The following IARS1 variants were observed in gnomAD, a reference collection of about 807,000 sequenced individuals.
IARS1 encodes the protein isoleucyl-tRNA synthetase 1.
IARS1 carries 124 observed loss-of-function variants against 168.2 expected under a neutral mutation model. That is an observed-to-expected ratio of 0.74 (90% CI 0.64 to 0.86). The LOEUF (loss-of-function observed/expected upper bound fraction) is 0.86, where lower values mean the gene tolerates loss of function less well. Ranked by LOEUF, IARS1 falls within the 40% of genes least tolerant of loss-of-function variation. IARS1 has a pLI of 0.00. For missense variants in IARS1, 1,452 were observed against 1,515.8 expected, an observed-to-expected ratio of 0.96 and a Z score of 0.70; for synonymous variants, 532 against 529.4, an observed-to-expected ratio of 1.00 and a Z score of -0.07.
chr9:92,249,926 T>C lies in IARS1; in HGVS notation c.2548A>G (p.Ile850Val), dbSNP rs1829767841. ...TCTGGATCTTGATGGATAACCACAA[T>C]TTCTTTCAAAGGATACTAGGAGGAA... ...TIPIKYPLKE[I>V]VVIHQDPEAL... Residue 850 changes from isoleucine to valine, a missense_variant, in exon 25 of 34, where the codon ATT becomes GTT. By Grantham distance (29) the Ile-to-Val change is conservative (BLOSUM62 3). Coordinates refer to ENST00000443024, the MANE Select transcript of IARS1 (RefSeq NM_002161.6). 3 of 1,603,340 alleles carry C rather than the reference T, an allele frequency of 1.9e-6. No individual in the cohort carries two copies. Among genetic ancestry groups the C allele is most frequent in the Admixed American group, 3.3e-5 (2 of 59,904 alleles).
intron 12 of IARS1, among the ~76,000 whole-genome samples, chr9:92,270,378 T>C (rs1218291841): frequency 6.6e-6 from 1 of 152,208 alleles, no homozygotes; most frequent in South Asian, 2.1e-4. Context: ...CAATAAACTC[T>C]ATTACAAAAT....
chr9:92,286,772 GTAAGGT>G (rs1338092120), intron 4 of IARS1, among the ~76,000 whole-genome samples, 154 bp from the exon 5 acceptor site: 1 of 152,152 alleles, frequency 6.6e-6, no homozygotes, highest in Non-Finnish European at 1.5e-5. Context: ...AACATATTAT[GTAAGGT>G]TAAGAACCAG....
intron 33 of IARS1, among the ~76,000 whole-genome samples, chr9:92,214,417 A>T (rs957471139): frequency 6.6e-6 from 1 of 151,982 alleles, no homozygotes; most frequent in Non-Finnish European, 1.5e-5. Flanking sequence ...TTGGGGGAGG[A>T]GCCAAGATGG....
At chr9:92,222,910 G>A (rs1412892520) in intron 32 of IARS1, among the ~76,000 whole-genome samples, 1 of 152,050 alleles carries the variant, frequency 6.6e-6, no homozygotes, top group African/African-American at 2.4e-5. Flanking sequence ...GCAGCTTGGG[G>A]AGCAGATACT....
At chr9:92,214,699 C>G (rs923448856) in intron 33 of IARS1, among the ~76,000 whole-genome samples, 1 of 152,234 alleles carries the variant, frequency 6.6e-6, no homozygotes, top group East Asian at 1.9e-4. Context: ...CACCCGAATA[C>G]TGCGCTTTTC....
intron 21 of IARS1, among the ~76,000 whole-genome samples, chr9:92,252,602 G>T: frequency 6.6e-6 from 1 of 151,308 alleles, no homozygotes; most frequent in Non-Finnish European, 1.5e-5. Context: ...CCCTGTCTCT[G>T]CCAAAAATAC....
At chr9:92,286,065 T>C (rs1835405461) in intron 5 of IARS1, 3 of 438,116 alleles carry the variant, frequency 6.8e-6, no homozygotes, top group African/African-American at 2.0e-5. Context: ...TAACACATAA[T>C]GTTAAGAAAA....
intron 9 of IARS1, among the ~76,000 whole-genome samples, chr9:92,277,035 A>G (rs1030319920): frequency 6.6e-6 from 1 of 152,212 alleles, no homozygotes; most frequent in African/African-American, 2.4e-5. Context: ...TACTGTGATT[A>G]CTATCTTAAC....
chr9:92,267,098 G>A (rs866495630), intron 14 of IARS1, among the ~76,000 whole-genome samples: 13 of 152,224 alleles, frequency 8.5e-5, no homozygotes, highest in Admixed American at 5.2e-4. Flanking sequence ...GCTTGGACCC[G>A]ATTAAAGCAA....
intron 30 of IARS1, among the ~76,000 whole-genome samples, chr9:92,231,707 C>T (rs1256014191): frequency 6.6e-6 from 1 of 151,652 alleles, no homozygotes; most frequent in Non-Finnish European, 1.5e-5. Context: ...GGATTACAGG[C>T]GTGAGCCACC....
intron 33 of IARS1, among the ~76,000 whole-genome samples, chr9:92,213,186 T>C (rs1044404071): frequency 2.6e-5 from 4 of 151,554 alleles, no homozygotes; most frequent in Non-Finnish European, 4.4e-5. Flanking sequence ...CCAAAAATAA[T>C]GACTCCCATG....
intron 30 of IARS1, among the ~76,000 whole-genome samples, chr9:92,231,536 C>T (rs1158449440): frequency 5.3e-5 from 8 of 149,912 alleles, no homozygotes; most frequent in Admixed American, 5.3e-4. Context: ...ACTTCAGCCT[C>T]TCGAGTAGCT....
At chr9:92,222,720 TAGCTCCA>T in intron 32 of IARS1, 48 bp from the exon 33 acceptor site, 1 of 1,603,532 alleles carries the variant, frequency 6.2e-7, no homozygotes, top group Non-Finnish European at 8.5e-7. Flanking sequence ...GTTCACCCTC[TAGCTCCA>T]AAAGAGGTGG....
intron 30 of IARS1, among the ~76,000 whole-genome samples, chr9:92,231,632 T>C (rs1826720059): frequency 6.6e-6 from 1 of 151,396 alleles, no homozygotes; most frequent in Admixed American, 6.6e-5. Context: ...TTCTCCATGT[T>C]AGTCAGGCTG....
chr9:92,285,687 C>T, intron 6 of IARS1, 35 bp downstream of exon 6: 1 of 1,344,608 alleles, frequency 7.4e-7, no homozygotes, highest in Non-Finnish European at 1.1e-6. Flanking sequence ...ACCTACAAAA[C>T]TCAATGCTGA....
intron 7 of IARS1, among the ~76,000 whole-genome samples, chr9:92,278,640 A>G (rs1191455836): frequency 6.6e-6 from 1 of 152,148 alleles, no homozygotes; most frequent in Non-Finnish European, 1.5e-5. Context: ...CCTCTCAGAC[A>G]TTCTCATTTG....
intron 30 of IARS1, among the ~76,000 whole-genome samples, chr9:92,232,393 C>A (rs1381938020): frequency 6.6e-6 from 1 of 152,124 alleles, no homozygotes; most frequent in Non-Finnish European, 1.5e-5. Context: ...GCTGATGTGA[C>A]AGTTATAACT....
At chr9:92,256,045 G>A (rs750928215) in intron 20 of IARS1, among the ~76,000 whole-genome samples, 3 of 151,540 alleles carry the variant, frequency 2.0e-5, no homozygotes, top group East Asian at 1.9e-4. Flanking sequence ...GGAAATTGAC[G>A]GTCAGACTTC....
Position 92,242,264 on chromosome 9 carries a change from T to C in IARS1, c.3067A>G (p.Asn1023Asp). 1 of 1,613,878 alleles carries C rather than the reference T, an allele frequency of 6.2e-7. No homozygotes were observed. Among genetic ancestry groups the C allele is most frequent in the Non-Finnish European group, 8.5e-7 (1 of 1,179,716 alleles). The change falls in exon 29 of 34, where the codon AAT becomes GAT. Residue 1023 changes from asparagine to aspartate, a missense_variant. Physicochemically the swap from Asn to Asp is conservative, Grantham distance 23 (BLOSUM62 1). Transcript: ENST00000443024. Reference sequence around the variant, plus strand: ...TCTGTGTGGCTTTCAATAACACTATTCAGATATGTTCCTTCAGACTTTGCT... The same window carrying C: ...TCTGTGTGGCTTTCAATAACACTATCCAGATATGTTCCTTCAGACTTTGCT... ...YKAKSEGTYL[N>D]SVIESHTEFI... is the part of the protein sequence containing the mutation.
Sources: gnomAD v4.1 joint callset for allele counts (sites outside exome capture counted in the v4.1 genomes callset) on GRCh38, gnomAD v4.1.1 for gene constraint, MANE v1.5 for transcripts, NCBI Gene and HGNC (gene_info 2026-07-23, HGNC 2026-07-21) for gene names.